Variants in RAP1GAP observed in about 807,000 individuals in gnomAD.
RAP1GAP encodes the protein RAP1 GTPase activating protein, also known as rap1 GTPase-activating protein 1.
In RAP1GAP, 35 loss-of-function variants were observed where a neutral mutation model predicts 87.2. That is an observed-to-expected ratio of 0.40 (90% CI 0.31 to 0.53). RAP1GAP has a LOEUF of 0.53. Among genes scored for constraint, RAP1GAP ranks in the 20% least tolerant of loss-of-function variants. The pLI is 0.48. For synonymous variants in RAP1GAP, 375 were observed against 363.9 expected (o/e 1.03, Z -0.35); for missense variants, 734 against 898.9 (o/e 0.82, Z 2.35).
intron 1 of RAP1GAP, among the ~76,000 whole-genome samples, chr1:21,662,569 A>T (rs756157164): frequency 1.3e-5 from 2 of 151,938 alleles, no homozygotes; most frequent in Non-Finnish European, 2.9e-5. Flanking sequence ...GGCCATGGGG[A>T]GGGGGAGCTG....
chr1:21,663,668 G>A (rs902417426), intron 1 of RAP1GAP, among the ~76,000 whole-genome samples: 17 of 152,086 alleles, frequency 1.1e-4, no homozygotes, highest in African/African-American at 3.1e-4. Context: ...GCTTTCCCTC[G>A]CAGAACTGGG....
At chr1:21,659,208 G>A (rs1166483394) in intron 1 of RAP1GAP, among the ~76,000 whole-genome samples, 1 of 152,096 alleles carries the variant, frequency 6.6e-6, no homozygotes, top group Non-Finnish European at 1.5e-5. Flanking sequence ...CCCGGCCGAA[G>A]AACGCTTTTT....
intron 3 of RAP1GAP, 84 bp from the exon 4 acceptor site, chr1:21,620,134 C>A: frequency 6.8e-7 from 1 of 1,467,832 alleles, no homozygotes; most frequent in Non-Finnish European, 9.5e-7. Context: ...CCTCCGGGTC[C>A]CACCAGCTCT....
At chr1:21,662,714 C>G (rs2097195122) in intron 1 of RAP1GAP, among the ~76,000 whole-genome samples, 1 of 152,134 alleles carries the variant, frequency 6.6e-6, no homozygotes, top group African/African-American at 2.4e-5. Flanking sequence ...TGGCGCCCTC[C>G]CCAACCCCTT....
chr1:21,610,080 G>A (rs1162463698), intron 14 of RAP1GAP, 40 bp downstream of exon 14: 1 of 1,605,424 alleles, frequency 6.2e-7, no homozygotes, highest in Non-Finnish European at 8.5e-7. Context: ...TGCAGCCAGG[G>A]CCCTTGCTGA....
chr1:21,598,152 G>T, intron 22 of RAP1GAP, 88 bp from the exon 23 acceptor site: 1 of 885,280 alleles, frequency 1.1e-6, no homozygotes. Context: ...CGGCACCAGT[G>T]CGCTCCAACC....
At chr1:21,641,361 T>C (rs2095508401) in intron 2 of RAP1GAP, among the ~76,000 whole-genome samples, 1 of 152,138 alleles carries the variant, frequency 6.6e-6, no homozygotes, top group African/African-American at 2.4e-5. Context: ...CCCAATCCTT[T>C]ACATTTTCTC....
In RAP1GAP at chr1:21,615,142, A is replaced by T. The variant is rs2149517811; in HGVS notation, c.292-1053T>A. ...AGGCCCCTGGCAGGGAAGTCCAGAGAGTGGGGAGGTTCCTTGGACACCCCC... is the reference window on the plus strand; with the variant it reads ...AGGCCCCTGGCAGGGAAGTCCAGAGTGTGGGGAGGTTCCTTGGACACCCCC... On this transcript the variant is annotated intron_variant, in intron 7 of 24. Transcript: ENST00000374765. The surrounding 1 kb of genome is among the most constrained non-coding windows in gnomAD (Gnocchi z 4.5). Among the ~76,000 whole-genome samples the T allele has an allele frequency of 6.6e-6, 1 of 152,250 alleles. No homozygotes were observed. The highest frequency in any genetic ancestry group is 2.4e-5 in the African/African-American group (1 of 41,546).
intron 2 of RAP1GAP, among the ~76,000 whole-genome samples, chr1:21,642,478 C>G (rs1227485179): frequency 6.6e-6 from 1 of 152,208 alleles, no homozygotes; most frequent in Non-Finnish European, 1.5e-5. Context: ...ACCCAGCCAG[C>G]TGGTGGCCGA....
At chr1:21,626,271 C>G (rs759915065) in intron 3 of RAP1GAP, 33 bp downstream of exon 3, 4 of 1,542,454 alleles carry the variant, frequency 2.6e-6, no homozygotes, top group Non-Finnish European at 3.6e-6. Flanking sequence ...AGGGGGCAGA[C>G]CAGGGGCCGT....
intron 2 of RAP1GAP, among the ~76,000 whole-genome samples, chr1:21,641,562 T>C (rs2095526870): frequency 1.3e-5 from 2 of 152,198 alleles, no homozygotes; most frequent in South Asian, 4.1e-4. Flanking sequence ...GCAAGGACCG[T>C]GTCTGTCAGG....
chr1:21,597,020 C>G lies in RAP1GAP; in HGVS notation c.*279G>C, dbSNP rs1395054996. On this transcript the variant is annotated 3_prime_UTR_variant, in exon 25 of 25. Coordinates refer to ENST00000374765, the MANE Select transcript of RAP1GAP (RefSeq NM_002885.4). ...GGAGGGGGCAAGCCAGACCCCCAGT[C>G]CTGCTTCCACTGAGCAATCCCTGCC... is the stretch of plus-strand genomic sequence containing the variant. 6.6e-6 allele frequency: 1 copy of G among 152,358 alleles called. No homozygotes were observed. Among genetic ancestry groups the G allele is most frequent in the African/African-American group, 2.4e-5 (1 of 41,422 alleles). The allele number at this position is 152,358 out of a possible 1,614,324, so 9.4% of individuals were successfully genotyped here.
At chr1:21,605,496 G>A (rs761932344) in intron 18 of RAP1GAP, among the ~76,000 whole-genome samples, 5 of 151,980 alleles carry the variant, frequency 3.3e-5, no homozygotes, top group Admixed American at 6.5e-5. Flanking sequence ...CCAGGGCTGC[G>A]CACACAGTAG....
chr1:21,646,528 C>G (rs143772272), intron 2 of RAP1GAP, among the ~76,000 whole-genome samples: 1 of 152,232 alleles, frequency 6.6e-6, no homozygotes, highest in Non-Finnish European at 1.5e-5. Context: ...TTTAATGAGA[C>G]CTTCAGAGTA....
At chr1:21,605,983 T>C (rs972666343) in intron 18 of RAP1GAP, 83 bp downstream of exon 18, 12 of 1,406,478 alleles carry the variant, frequency 8.5e-6, no homozygotes, top group South Asian at 5.2e-5. Context: ...ACAGAGAGAG[T>C]TGGAGTCAGG....
intron 2 of RAP1GAP, among the ~76,000 whole-genome samples, chr1:21,643,179 A>C (rs1254848072): frequency 6.6e-6 from 1 of 152,106 alleles, no homozygotes; most frequent in Non-Finnish European, 1.5e-5. Flanking sequence ...CCCACACTAA[A>C]TGCTTATTGA....
At chr1:21,605,942 A>G in intron 18 of RAP1GAP, 124 bp downstream of exon 18, 2 of 1,244,604 alleles carry the variant, frequency 1.6e-6, no homozygotes, top group Non-Finnish European at 2.2e-6. Context: ...CCAAATCCAG[A>G]GCCTAGGATG....
chr1:21,629,570 G>T (rs1425439547), intron 2 of RAP1GAP, among the ~76,000 whole-genome samples: 1 of 152,182 alleles, frequency 6.6e-6, no homozygotes, highest in Non-Finnish European at 1.5e-5. Context: ...AAAAGCCACT[G>T]CTGAGGCCGT....
chr1:21,608,623 A>G (rs1570591586), intron 16 of RAP1GAP, among the ~76,000 whole-genome samples: 1 of 102,446 alleles, frequency 9.8e-6, no homozygotes, highest in Non-Finnish European at 1.9e-5. Context: ...GACAGGTCCC[A>G]AGGTGTCCCT....
Sources: allele counts gnomAD v4.1 joint callset (sites outside exome capture counted in the v4.1 genomes callset), GRCh38; gene constraint gnomAD v4.1.1; non-coding constraint Gnocchi (gnomAD v3.1); transcripts MANE v1.5; gene names NCBI Gene and HGNC (gene_info 2026-07-23, HGNC 2026-07-21).